GPA33: variants seen among roughly 807,000 people sequenced by gnomAD.
GPA33 encodes glycoprotein A33.
A neutral mutation model predicts 35.6 loss-of-function variants in GPA33; 27 were observed. The observed-to-expected ratio is 0.76, with a 90% CI of 0.56 to 1.04. The LOEUF is 1.04. GPA33 is among the 50% of genes least tolerant of loss of function. GPA33 has a pLI of 0.00. For synonymous variants in GPA33, 176 were observed against 164.0 expected, an observed-to-expected ratio of 1.07 and a Z score of -0.56; for missense variants, 428 against 411.9, an observed-to-expected ratio of 1.04 and a Z score of -0.34.
chr1:167,069,198 G>T, intron 2 of GPA33, 60 bp from the exon 3 acceptor site: 3 of 1,203,488 alleles, frequency 2.5e-6, no homozygotes, highest in Non-Finnish European at 3.6e-6. Flanking sequence ...GGTGCTTCCA[G>T]CCTGCCCTGA....
Position 167,054,368 on chromosome 1 carries a change from G to T in GPA33, c.926C>A (p.Thr309Asn). ...DDYRQEEQRS[T>N]GRESPDHLDQ is the part of the protein sequence containing the mutation. Reference sequence around the variant, plus strand: ...GAGGTGGTCCGGGGATTCACGCCCAGTGCTCCTCTGCTCTTCTTGCCTGTA... The same window carrying T: ...GAGGTGGTCCGGGGATTCACGCCCATTGCTCCTCTGCTCTTCTTGCCTGTA... The change falls in exon 7 of 7, where the codon ACT becomes AAT. Residue 309 changes from threonine (T) to asparagine (N), a missense_variant. Physicochemically the swap from Thr to Asn is moderately conservative, Grantham distance 65. Transcript: ENST00000367868. The T allele has an allele frequency of 6.2e-7, 1 of 1,614,118 alleles. No individual in the cohort carries two copies. Among genetic ancestry groups the T allele is most frequent in the African/African-American group, 1.3e-5 (1 of 75,036 alleles).
intron 1 of GPA33, among the ~76,000 whole-genome samples, chr1:167,077,654 T>A (rs879809061): frequency 8.5e-5 from 13 of 152,204 alleles, no homozygotes; most frequent in African/African-American, 2.9e-4. Flanking sequence ...ACCCACTAAG[T>A]CATTCCTTTA....
chr1:167,058,097 G>T (rs899853412), intron 4 of GPA33, among the ~76,000 whole-genome samples: 4 of 152,304 alleles, frequency 2.6e-5, no homozygotes, highest in Middle Eastern at 3.4e-3. Flanking sequence ...TACTTGGGAG[G>T]CTGAGGCAAA....
rs903342726 is a variant in GPA33 at position 167,090,294 on chromosome 1, G to A, written c.-7C>T. On this transcript the variant is annotated 5_prime_UTR_variant, in exon 1 of 7. Coordinates refer to ENST00000367868, the MANE Select transcript of GPA33 (RefSeq NM_005814.3). ...GCCACATCTTCCCCACCATGGTCTT[G>A]CTTCTTCTCTGCCCTAAACCTAACC... is the stretch of plus-strand genomic sequence containing the variant. The A allele has an allele frequency of 1.2e-6, 2 of 1,612,796 alleles. No homozygotes were observed. Among genetic ancestry groups the A allele is most frequent in the Non-Finnish European group, 1.7e-6 (2 of 1,178,924 alleles).
At chr1:167,056,823 T>TGATGTGTGTGGTGTG (rs1558002201) in intron 4 of GPA33, among the ~76,000 whole-genome samples, 5 of 5,814 alleles carry the variant, frequency 8.6e-4, no homozygotes, top group East Asian at 5.5e-3. Flanking sequence ...GTGGCAGCGT[T>TGATGTGTGTGGTGTG]TGTAGTGTGT....
chr1:167,077,075 G>A (rs143263371), intron 1 of GPA33, among the ~76,000 whole-genome samples: 1,840 of 152,182 alleles, frequency 0.012, 59 homozygotes, highest in African/African-American at 0.043. Flanking sequence ...CTGTGGTGGT[G>A]CATGCCTGTA....
At position 167,054,286 on chromosome 1, in the gene GPA33, GA is replaced by G; in HGVS notation, c.*47del. 1 of 1,607,886 alleles carries G rather than the reference GA, an allele frequency of 6.2e-7. No homozygotes were observed. The highest frequency in any genetic ancestry group is 8.5e-7 in the Non-Finnish European group (1 of 1,176,866). ...AAGGAGAAGGGAGGCCAGGAAGCGG[GA>G]GAATGAACCCCTAACCCTTCCTCCG... On this transcript the variant is annotated 3_prime_UTR_variant, in exon 7 of 7. Transcript: ENST00000367868.
intron 2 of GPA33, among the ~76,000 whole-genome samples, chr1:167,071,323 C>T (rs147706187): frequency 9.5e-4 from 144 of 152,000 alleles, no homozygotes; most frequent in African/African-American, 3.2e-3. Context: ...CTGAATTGAG[C>T]GAAAAAAGAG....
At chr1:167,076,979 A>T (rs546458062) in intron 1 of GPA33, among the ~76,000 whole-genome samples, 7 of 151,568 alleles carry the variant, frequency 4.6e-5, no homozygotes, top group Middle Eastern at 3.4e-3. Context: ...GCCGAGGTGG[A>T]TGGATCACCT....
intron 1 of GPA33, among the ~76,000 whole-genome samples, chr1:167,080,982 C>A (rs573491974): frequency 1.3e-5 from 2 of 152,218 alleles, no homozygotes; most frequent in South Asian, 2.1e-4. Flanking sequence ...AATAAAGGAC[C>A]AAAGGAGCCC....
chr1:167,073,672 G>T, intron 1 of GPA33, 133 bp from the exon 2 acceptor site: 1 of 742,700 alleles, frequency 1.3e-6, no homozygotes, highest in Non-Finnish European at 2.2e-6. Flanking sequence ...AGCCATCTTG[G>T]CCACCTTGGC....
At chr1:167,054,882 G>A in intron 6 of GPA33, 94 bp downstream of exon 6, 2 of 1,407,284 alleles carry the variant, frequency 1.4e-6, no homozygotes, top group Non-Finnish European at 2.0e-6. Flanking sequence ...TATACCCCAA[G>A]GGGTGCTGCA....
Position 167,073,398 on chromosome 1 carries a change from A to G in GPA33, c.185T>C (p.Leu62Pro), listed in dbSNP as rs768184719. 2 of 1,613,978 alleles carry G rather than the reference A, an allele frequency of 1.2e-6. No homozygotes were observed. Among genetic ancestry groups the G allele is most frequent in the South Asian group, 2.2e-5 (2 of 91,074 alleles). The stretch of plus-strand genomic sequence containing the variant: ...AAGTATCCTTACCGTATGAGTGAGG[A>G]GGAGCTTATCCCATTGAATAAGTCC... ...REGLIQWDKL[L>P]LTHTERVVIW... The change falls in exon 2 of 7, where the codon CTC becomes CCC. Residue 62 changes from leucine (L) to proline (P), a missense_variant. Transcript: ENST00000367868.
intron 4 of GPA33, among the ~76,000 whole-genome samples, chr1:167,056,649 G>GAGT (rs1666274438): frequency 3.4e-5 from 1 of 29,312 alleles, no homozygotes; most frequent in Non-Finnish European, 7.5e-5. Context: ...GGTGTGTGTA[G>GAGT]TGTGTGTGGT....
chr1:167,057,228 A>G (rs1666326841), intron 4 of GPA33, among the ~76,000 whole-genome samples: 4 of 152,104 alleles, frequency 2.6e-5, no homozygotes, highest in Admixed American at 2.6e-4. Context: ...ACGGACCAGA[A>G]TATCTCATGG....
At position 167,054,408 on chromosome 1, in the gene GPA33, C is replaced by T. The variant is rs375309413; in HGVS notation, c.886G>A (p.Glu296Lys). Residue 296 changes from glutamate (E) to lysine (K), a missense_variant, in exon 7 of 7, where the codon GAG becomes AAG. Glu to Lys is a moderately conservative substitution (Grantham distance 56, BLOSUM62 1). Coordinates refer to ENST00000367868, the MANE Select transcript of GPA33 (RefSeq NM_005814.3). ...EQLRELSRER[E>K]EEDDYRQEEQ... ...TCTTGCCTGTAGTCATCCTCCTCCT[C>T]CCTCTCTCTGGAAAGTTCTCTTAGC... 1 of 1,614,166 alleles carries T rather than the reference C, an allele frequency of 6.2e-7. No individual in the cohort carries two copies. Among genetic ancestry groups the T allele is most frequent in the Non-Finnish European group, 8.5e-7 (1 of 1,180,014 alleles).
At chr1:167,072,075 G>A (rs1402444734) in intron 2 of GPA33, among the ~76,000 whole-genome samples, 3 of 152,152 alleles carry the variant, frequency 2.0e-5, no homozygotes, top group Admixed American at 6.5e-5. Context: ...GGGAGCAGTC[G>A]GGACAGGTGG....
At chr1:167,064,947 A>G (rs190411409) in intron 3 of GPA33, among the ~76,000 whole-genome samples, 172 of 152,316 alleles carry the variant, frequency 1.1e-3, no homozygotes, top group Non-Finnish European at 2.1e-3. Context: ...AGGGAAGCCC[A>G]TAGACTGGAG....
chr1:167,082,016 G>A (rs1666959320), intron 1 of GPA33, among the ~76,000 whole-genome samples: 1 of 152,154 alleles, frequency 6.6e-6, no homozygotes, highest in Admixed American at 6.5e-5. Context: ...AGGTGTGTAG[G>A]GGAGGAGCTG....
Sources: allele counts gnomAD v4.1 joint callset (sites outside exome capture counted in the v4.1 genomes callset), GRCh38; gene constraint gnomAD v4.1.1; transcripts MANE v1.5; gene names NCBI Gene and HGNC (gene_info 2026-07-23, HGNC 2026-07-21).